The following DGKI variants were observed in gnomAD, a reference collection of about 807,000 sequenced individuals.
The protein encoded by DGKI is diacylglycerol kinase iota, also known as DAG kinase iota.
Under a neutral mutation model 147.5 loss-of-function variants are expected in DGKI, and 55 were observed. The ratio of observed to expected loss-of-function variants is 0.37; its 90% confidence interval spans 0.30 to 0.47. The LOEUF (loss-of-function observed/expected upper bound fraction) is 0.47. Among genes scored for constraint, DGKI ranks in the 20% least tolerant of loss-of-function variants. The pLI is 1.00. For missense variants in DGKI, 1,007 were observed against 1,323.8 expected, an observed-to-expected ratio of 0.76 and a Z score of 3.71; for synonymous variants, 469 against 477.1, an observed-to-expected ratio of 0.98 and a Z score of 0.22.
intron 23 of DGKI, among the ~76,000 whole-genome samples, chr7:137,471,200 C>T (rs917610044): frequency 1.3e-5 from 2 of 151,944 alleles, no homozygotes; most frequent in African/African-American, 2.4e-5. Flanking sequence ...ATGGGACAAA[C>T]GAGGGAGGCC....
intron 30 of DGKI, among the ~76,000 whole-genome samples, 182 bp downstream of exon 30, chr7:137,407,693 C>T (rs1193630183): frequency 1.3e-5 from 2 of 152,094 alleles, no homozygotes; most frequent in African/African-American, 4.8e-5. Flanking sequence ...ATAGGATGGC[C>T]CGTATGTGTC....
At chr7:137,471,119 T>C (rs73445375) in intron 23 of DGKI, among the ~76,000 whole-genome samples, 4,490 of 152,268 alleles carry the variant, frequency 0.029, 230 homozygotes, top group African/African-American at 0.1. Context: ...GGAGAGCACC[T>C]TCTAGTTTAC....
At chr7:137,480,826 C>T (rs1363871330) in intron 23 of DGKI, among the ~76,000 whole-genome samples, 2 of 152,028 alleles carry the variant, frequency 1.3e-5, no homozygotes, top group Admixed American at 1.3e-4. Context: ...ATTTAATGCC[C>T]CATAAAGAAT....
intron 29 of DGKI, among the ~76,000 whole-genome samples, chr7:137,411,691 A>G (rs957559290): frequency 1.3e-5 from 2 of 152,200 alleles, no homozygotes; most frequent in Non-Finnish European, 1.5e-5. Context: ...ACCAGAAAAC[A>G]CAAACACAAA....
At chr7:137,734,989 C>A (rs1161895808) in intron 1 of DGKI, among the ~76,000 whole-genome samples, 1 of 152,206 alleles carries the variant, frequency 6.6e-6, no homozygotes, top group Non-Finnish European at 1.5e-5. Context: ...TCTTCTGCAT[C>A]CCTATTACCA....
intron 3 of DGKI, among the ~76,000 whole-genome samples, chr7:137,665,298 C>G (rs1442678446): frequency 2.0e-5 from 3 of 152,100 alleles, no homozygotes; most frequent in Non-Finnish European, 4.4e-5. Context: ...AGCACACAGC[C>G]CTCTTCCCAG....
intron 27 of DGKI, among the ~76,000 whole-genome samples, chr7:137,447,332 C>G (rs886584642): frequency 5.3e-5 from 8 of 151,500 alleles, no homozygotes; most frequent in African/African-American, 1.7e-4. Context: ...AACTCATAAT[C>G]TAGTGAAAAA....
At chr7:137,410,025 G>C (rs1263175162) in intron 29 of DGKI, among the ~76,000 whole-genome samples, 2 of 152,194 alleles carry the variant, frequency 1.3e-5, no homozygotes, top group South Asian at 2.1e-4. Flanking sequence ...AAGAGGGCAT[G>C]AATATTTGAG....
chr7:137,754,574 T>A lies in DGKI; in HGVS notation c.402-64572A>T, dbSNP rs186401993. Among the ~76,000 whole-genome samples, 34 of 152,286 alleles carry A rather than the reference T, an allele frequency of 2.2e-4. 1 individual carries two copies. Among genetic ancestry groups the A allele is most frequent in the African/African-American group, 8.2e-4 (34 of 41,554 alleles). On this transcript the variant is annotated intron_variant, in intron 1 of 32. Coordinates refer to ENST00000614521, the MANE Select transcript of DGKI (RefSeq NM_001321708.2). Reference sequence around the variant, plus strand: ...GCGACCTCTGCCACCCCCTCATCTCTCACCTCAGGGCACCTGCCTCAAATA... The same window carrying A: ...GCGACCTCTGCCACCCCCTCATCTCACACCTCAGGGCACCTGCCTCAAATA...
chr7:137,590,236 G>GGGAGGAAGAGA (rs1404054767), intron 12 of DGKI, among the ~76,000 whole-genome samples: 38 of 152,328 alleles, frequency 2.5e-4, no homozygotes, highest in Admixed American at 2.4e-3. Context: ...TTTCATAGCA[G>GGGAGGAAGAGA]GGAGGAAGAG....
intron 1 of DGKI, among the ~76,000 whole-genome samples, chr7:137,703,135 T>C (rs1438085959): frequency 6.6e-6 from 1 of 152,164 alleles, no homozygotes; most frequent in African/African-American, 2.4e-5. Flanking sequence ...ACAGGAAGCA[T>C]GACTGGAAGG....
intron 1 of DGKI, among the ~76,000 whole-genome samples, chr7:137,727,329 GACA>G (rs1794745190): frequency 6.6e-6 from 1 of 152,066 alleles, no homozygotes; most frequent in Admixed American, 6.5e-5. Flanking sequence ...TATGTAATAT[GACA>G]ACAACACAAG....
intron 1 of DGKI, among the ~76,000 whole-genome samples, chr7:137,841,479 G>T (rs1471491877): frequency 1.3e-5 from 2 of 152,146 alleles, no homozygotes; most frequent in East Asian, 3.8e-4. Context: ...TGTAAGAAAA[G>T]CTCACATGCC....
At chr7:137,816,695 A>G (rs1797746025) in intron 1 of DGKI, among the ~76,000 whole-genome samples, 1 of 152,210 alleles carries the variant, frequency 6.6e-6, no homozygotes, top group Non-Finnish European at 1.5e-5. Flanking sequence ...CAAAAGGTAT[A>G]AAGACAAAAA....
At chr7:137,658,998 G>A (rs113216798) in intron 3 of DGKI, among the ~76,000 whole-genome samples, 17 of 152,308 alleles carry the variant, frequency 1.1e-4, no homozygotes, top group African/African-American at 2.9e-4. Context: ...AATATATTAT[G>A]AACTTATGTG....
Position 137,413,072 on chromosome 7 carries a change from C to G in DGKI, c.2762-865G>C, listed in dbSNP as rs977707149. ...ATCATTTGAGGTCAGGAGTTCAAGACCAGCTTGGCCAACATGGTGAGACCC... is the reference window on the plus strand; with the variant it reads ...ATCATTTGAGGTCAGGAGTTCAAGAGCAGCTTGGCCAACATGGTGAGACCC... On this transcript the variant is annotated intron_variant, in intron 28 of 32. Transcript: ENST00000614521. Among the ~76,000 whole-genome samples the G allele has an allele frequency of 2.0e-5, 3 of 152,094 alleles. No individual in the cohort carries two copies. The East Asian group carries it at 5.8e-4, about 30-fold the overall frequency.
chr7:137,704,113 A>C (rs1793927140), intron 1 of DGKI, among the ~76,000 whole-genome samples: 1 of 152,210 alleles, frequency 6.6e-6, no homozygotes, highest in Non-Finnish European at 1.5e-5. Context: ...CAGGAGGCTG[A>C]GGCAGGAGAA....
chr7:137,534,699 C>G (rs1053094355), intron 20 of DGKI, among the ~76,000 whole-genome samples: 1 of 151,840 alleles, frequency 6.6e-6, no homozygotes, highest in Non-Finnish European at 1.5e-5. Flanking sequence ...AAATAATATA[C>G]ACAAAGTTTA....
intron 1 of DGKI, among the ~76,000 whole-genome samples, chr7:137,825,713 C>CACAT (rs1185725357): frequency 1.3e-5 from 2 of 151,708 alleles, no homozygotes; most frequent in Non-Finnish European, 2.9e-5. Flanking sequence ...TACACTCACA[C>CACAT]ACATACACAC....
Sources: allele counts gnomAD v4.1 joint callset (sites outside exome capture counted in the v4.1 genomes callset), GRCh38; gene constraint gnomAD v4.1.1; transcripts MANE v1.5; gene names NCBI Gene and HGNC (gene_info 2026-07-23, HGNC 2026-07-21).